The following SCRIB variants were observed in gnomAD, a reference collection of about 807,000 sequenced individuals.
SCRIB encodes the protein protein scribble homolog.
In SCRIB, 72 loss-of-function variants were observed where a neutral mutation model predicts 170.0. That is an observed-to-expected ratio of 0.42 (90% CI 0.35 to 0.52). The LOEUF (loss-of-function observed/expected upper bound fraction) is 0.52, where lower values mean the gene tolerates loss of function less well. Ranked by LOEUF, SCRIB falls within the 20% of genes least tolerant of loss-of-function variation. The pLI, the probability that SCRIB is intolerant of heterozygous loss-of-function variation, is 0.02. For synonymous variants in SCRIB, 1,298 were observed against 1,044.3 expected, an observed-to-expected ratio of 1.24 and a Z score of -4.68; for missense variants, 2,475 against 2,338.5, an observed-to-expected ratio of 1.06 and a Z score of -1.20.
Position 143,792,839 on chromosome 8 carries a change from G to A in SCRIB, c.4046C>T (p.Pro1349Leu), listed in dbSNP as rs782194061. ...QPPTPGPAASPEQLSFRERQK... is the reference protein window; with the variant it reads ...QPPTPGPAASLEQLSFRERQK... ...CCGCTCCCGGAAGGACAGCTGCTCC[G>A]GGGAGGCTGCAGGCCCAGGCGTGGG... The change falls in exon 30 of 37, where the codon CCG (proline) becomes CTG (leucine). Residue 1349 changes from proline (P) to leucine (L), a missense_variant. By Grantham distance (98) the Pro-to-Leu change is moderately conservative. This residue lies in a region of SCRIB where 1,966 missense variants were observed against 1,742.9 expected (regional missense o/e 1.13). Coordinates refer to ENST00000356994, the MANE Select transcript of SCRIB (RefSeq NM_182706.5). The A allele has an allele frequency of 3.3e-5, 51 of 1,535,734 alleles. No homozygotes were observed. Among genetic ancestry groups the A allele is most frequent in the South Asian group, 1.9e-4 (15 of 80,288 alleles).
intron 13 of SCRIB, 63 bp downstream of exon 13, chr8:143,810,416 T>A: frequency 1.3e-6 from 2 of 1,580,004 alleles, no homozygotes; most frequent in Non-Finnish European, 1.7e-6. Flanking sequence ...ACTCCCAGGA[T>A]GGACCGGACC....
rs765595888 is a variant in SCRIB, at chr8:143,809,144, C to G, written c.1699-119G>C. On this transcript the variant is annotated intron_variant, in intron 14 of 36. Coordinates refer to ENST00000356994, the MANE Select transcript of SCRIB (RefSeq NM_182706.5). ...AAAGCCTCCCCGCCACACAAAGACT[C>G]AGCACTAACTGCCCAGTGAGGGGCG... 7.5e-6 allele frequency: 10 copies of G among 1,326,928 alleles called. No individual in the cohort carries two copies. In the African/African-American group the frequency reaches 1.5e-4, roughly 20 times the overall value. 82.2% of individuals were successfully genotyped at this position (1,326,928 alleles called of 1,614,324 possible).
At position 143,810,491 on chromosome 8, in the gene SCRIB, C is replaced by A. The variant is rs368417816; in HGVS notation, c.1518G>T (p.Leu506Phe). The stretch of plus-strand genomic sequence containing the variant: ...GCTCCATGCCCACCTCCTCTGCAGG[C>A]AAGGGCGACCCAGAGTCTGGCTGGC... ...CPCQPDSGSP[L>F]PAEEEKRLSA... Residue 506 changes from leucine to phenylalanine, a missense_variant, in exon 13 of 37, where the codon TTG becomes TTT. Physicochemically the swap from Leu to Phe is conservative, Grantham distance 22 (BLOSUM62 0). Coordinates refer to ENST00000356994, the MANE Select transcript of SCRIB (RefSeq NM_182706.5). The A allele has an allele frequency of 1.2e-6, 2 of 1,609,334 alleles. No homozygotes were observed. Among genetic ancestry groups the A allele is most frequent in the Non-Finnish European group, 8.5e-7 (1 of 1,179,832 alleles).
At chr8:143,796,368 G>A (rs2130016681) in intron 24 of SCRIB, among the ~76,000 whole-genome samples, 1 of 152,308 alleles carries the variant, frequency 6.6e-6, no homozygotes, top group African/African-American at 2.4e-5. Flanking sequence ...CAAAATCGAG[G>A]AGCTCTCAGT....
chr8:143,792,964 G>T lies in SCRIB; in HGVS notation c.4017+12C>A, dbSNP rs117135500. 3,932 of 1,502,938 alleles carry T rather than the reference G, an allele frequency of 2.6e-3. 56 individuals are homozygous for T. The East Asian group carries it at 0.032, about 12-fold the overall frequency. 93.1% of individuals were successfully genotyped at this position (1,502,938 alleles called of 1,614,324 possible). A position where few individuals can be genotyped will look rare whatever the true frequency, so the allele number is the denominator to read the frequency against. ...ACCACGCGCAGCAGGGAGGCGTGCT[G>T]CCCCCACACACCTGGGCAGGGGCAT... is the stretch of plus-strand genomic sequence containing the variant. On this transcript the variant is annotated intron_variant, in intron 29 of 36. Transcript: ENST00000356994.
At chr8:143,793,607 G>A (rs1356111282) in intron 28 of SCRIB, 3 of 415,236 alleles carry the variant, frequency 7.2e-6, no homozygotes, top group Non-Finnish European at 1.3e-5. Flanking sequence ...GGGATAAGGT[G>A]GGCCCTGGGA....
intron 2 of SCRIB, 23 bp from the exon 3 acceptor site, chr8:143,813,919 A>G: frequency 6.2e-7 from 1 of 1,604,618 alleles, no homozygotes; most frequent in Non-Finnish European, 8.5e-7. Context: ...GTCACAGTGG[A>G]CAGATGCCAT....
chr8:143,813,444 G>T, intron 5 of SCRIB, 26 bp downstream of exon 5: 1 of 1,613,186 alleles, frequency 6.2e-7, no homozygotes, highest in Non-Finnish European at 8.5e-7. Flanking sequence ...TGCCCTGGCT[G>T]TTAGGAGAAT....
intron 1 of SCRIB, chr8:143,814,718 C>T (rs957024090): frequency 6.1e-6 from 1 of 163,996 alleles, no homozygotes. Flanking sequence ...CTCCAGCCTC[C>T]TTTCTTGTAG....
chr8:143,798,781 A>G (rs1815050985), intron 24 of SCRIB, among the ~76,000 whole-genome samples: 1 of 152,086 alleles, frequency 6.6e-6, no homozygotes, highest in South Asian at 2.1e-4. Flanking sequence ...CAGAGCAGCA[A>G]AGGCAGTGCC....
At position 143,810,933 on chromosome 8, in the gene SCRIB, G is replaced by T. The variant is rs1274810558; in HGVS notation, c.1246C>A (p.Leu416Met). The change falls in exon 11 of 37, where the codon CTG becomes ATG. Residue 416 changes from leucine (L) to methionine (M), a missense_variant. Physicochemically the swap from Leu to Met is conservative, Grantham distance 15. Transcript: ENST00000356994. ...AGGCTGGGTGGGGGCTGCTGGGGCAGCAAGTAGCAGGTGAGCACCTTCTCG... is the reference window on the plus strand; with the variant it reads ...AGGCTGGGTGGGGGCTGCTGGGGCATCAAGTAGCAGGTGAGCACCTTCTCG... ...TGEKVLTCYL[L>M]PQQPPPSLED... The T allele has an allele frequency of 6.2e-7, 1 of 1,611,782 alleles. No homozygotes were observed. The highest frequency in any genetic ancestry group is 8.5e-7 in the Non-Finnish European group (1 of 1,179,872).
chr8:143,800,914 T>C (rs1187313030), intron 24 of SCRIB, among the ~76,000 whole-genome samples: 1 of 152,144 alleles, frequency 6.6e-6, no homozygotes, highest in Non-Finnish European at 1.5e-5. Flanking sequence ...ATCCCAGAAT[T>C]CCAGTCGGTT....
At position 143,813,315 on chromosome 8, in the gene SCRIB, A is replaced by T. The variant is rs1815842201; in HGVS notation, c.563T>A (p.Val188Glu). The T allele has an allele frequency of 6.2e-7, 1 of 1,613,286 alleles. No homozygotes were observed. Among genetic ancestry groups the T allele is most frequent in the African/African-American group, 1.3e-5 (1 of 74,902 alleles). Residue 188 changes from valine to glutamate, a missense_variant, in exon 6 of 37, where the codon GTG becomes GAG. By Grantham distance (121) the Val-to-Glu change is moderately radical. Around this residue, in one of 3 missense-constraint regions of SCRIB, gnomAD observed 487 missense variants for 558.1 expected, o/e 0.87. Coordinates refer to ENST00000356994, the MANE Select transcript of SCRIB (RefSeq NM_182706.5). ...QLDLGGNDLE[V>E]LPDTLGALPN... is the part of the protein sequence containing the mutation. Reference sequence around the variant, plus strand: ...CCCTGTCAGGCCTCCACGCACCAGCACTTCCAGATCGTTGCCTCCCAGATC... The same window carrying T: ...CCCTGTCAGGCCTCCACGCACCAGCTCTTCCAGATCGTTGCCTCCCAGATC...
chr8:143,809,640 C>T lies in SCRIB; in HGVS notation c.1609G>A (p.Glu537Lys), dbSNP rs528760514. 1.7e-5 allele frequency: 28 copies of T among 1,611,184 alleles called. No individual in the cohort carries two copies. The Admixed American group carries it at 2.7e-4, about 15-fold the overall frequency. ...CCCTGTGCCTCAGCCGACGGGCCCT[C>T]GGGCTCAGCCTCAGAGACTGTGCTG... ...SASTVSEAEP[E>K]GPSAEAQGGS... Residue 537 changes from glutamate to lysine, a missense_variant, in exon 14 of 37, where the codon GAG becomes AAG. By Grantham distance (56) the Glu-to-Lys change is moderately conservative. Around this residue, in one of 3 missense-constraint regions of SCRIB, gnomAD observed 1,966 missense variants for 1,742.9 expected, o/e 1.13. Transcript: ENST00000356994.
At chr8:143,807,664 AC>A in intron 15 of SCRIB, 50 bp from the exon 16 acceptor site, 1 of 1,416,394 alleles carries the variant, frequency 7.1e-7, no homozygotes, top group Non-Finnish European at 1.0e-6. Flanking sequence ...CGCCAAGACC[AC>A]CACCACCGCC....
chr8:143,795,646 C>T, intron 24 of SCRIB, 116 bp from the exon 25 acceptor site: 1 of 906,044 alleles, frequency 1.1e-6, no homozygotes, highest in Non-Finnish European at 1.7e-6. Context: ...GAGCCGCGTC[C>T]CTGGGCAGGG....
At chr8:143,814,264 C>T (rs911111353) in intron 1 of SCRIB, 146 bp from the exon 2 acceptor site, 8 of 649,734 alleles carry the variant, frequency 1.2e-5, no homozygotes, top group Non-Finnish European at 2.1e-5. Context: ...AACCACGACA[C>T]CCCATTTGCA....
At position 143,810,511 on chromosome 8, in the gene SCRIB, G is replaced by C. The variant is rs759838353; in HGVS notation, c.1498C>G (p.Pro500Ala). Residue 500 changes from proline to alanine, a missense_variant, in exon 13 of 37, where the codon CCA becomes GCA. Physicochemically the swap from Pro to Ala is conservative, Grantham distance 27. Transcript: ENST00000356994. ...GRRSEACPCQ[P>A]DSGSPLPAEE... ...GCAGGCAAGGGCGACCCAGAGTCTGGCTGGCAAGGGCAGGCCTCGCTCCGC... is the reference window on the plus strand; with the variant it reads ...GCAGGCAAGGGCGACCCAGAGTCTGCCTGGCAAGGGCAGGCCTCGCTCCGC... 1.9e-6 allele frequency: 3 copies of C among 1,611,926 alleles called. No individual in the cohort carries two copies. The highest frequency in any genetic ancestry group is 1.7e-5 in the Admixed American group (1 of 60,032).
chr8:143,804,110 A>T lies in SCRIB; in HGVS notation c.3056T>A (p.Val1019Asp). 1 of 1,612,942 alleles carries T rather than the reference A, an allele frequency of 6.2e-7. No homozygotes were observed. The change falls in exon 22 of 37, where the codon GTC becomes GAC. Residue 1019 changes from valine to aspartate, a missense_variant. Physicochemically the swap from Val to Asp is radical, Grantham distance 152. Transcript: ENST00000356994. Reference protein sequence around the residue: ...RAGGPLGLSIVGGSDHSSHPF... With the variant: ...RAGGPLGLSIDGGSDHSSHPF... ...GTGGCTGGAATGGTCGGAGCCTCCG[A>T]CAATACTAAGCCCCAGAGGGCCCCC... is the stretch of plus-strand genomic sequence containing the variant.
Sources: gnomAD v4.1 joint callset for allele counts (sites outside exome capture counted in the v4.1 genomes callset) on GRCh38, gnomAD v4.1.1 for gene constraint, gnomAD v4.1.1 regional missense constraint, MANE v1.5 for transcripts, NCBI Gene and HGNC (gene_info 2026-07-23, HGNC 2026-07-21) for gene names.